SWAP70: variants seen among roughly 807,000 people sequenced by gnomAD.
SWAP70 encodes switching B cell complex subunit SWAP70.
A neutral mutation model predicts 80.2 loss-of-function variants in SWAP70; 34 were observed. That is an observed-to-expected ratio of 0.42 (90% confidence interval 0.32 to 0.56). SWAP70 has a LOEUF of 0.56. Among genes scored for constraint, SWAP70 ranks in the 20% least tolerant of loss-of-function variants. SWAP70 has a pLI of 0.09. For synonymous variants in SWAP70, 239 were observed against 238.5 expected, an observed-to-expected ratio of 1.00 and a Z score of -0.02; for missense variants, 578 against 690.7, an observed-to-expected ratio of 0.84 and a Z score of 1.83.
At chr11:9,706,958 GC>G (rs1271560683) in intron 2 of SWAP70, among the ~76,000 whole-genome samples, 1 of 149,466 alleles carries the variant, frequency 6.7e-6, no homozygotes, top group Non-Finnish European at 1.5e-5. Context: ...TTTTTCTTTA[GC>G]AAGATTCTTT....
chr11:9,695,777 A>T (rs1458099010), intron 2 of SWAP70, among the ~76,000 whole-genome samples: 1 of 151,986 alleles, frequency 6.6e-6, no homozygotes, highest in Non-Finnish European at 1.5e-5. Flanking sequence ...AAGAAAAAAA[A>T]ATCTGGTTTC....
Position 9,732,668 on chromosome 11 carries a change from C to T in SWAP70, c.1038C>T (p.Ala346=), listed in dbSNP as rs774421401. ...AGCGACAAATGAAGGAACTCCAGGC[C>T]GCCAACGAAAGCAAGCAGCAGGAGC... ...ELERQMKELQ[A]ANESKQQELE... is the part of the protein sequence containing the mutation. Residue 346 remains alanine (A), a synonymous_variant, in exon 7 of 12, where the codon GCC becomes GCT. Transcript: ENST00000318950. 62 of 1,563,464 alleles carry T rather than the reference C, an allele frequency of 4.0e-5. No homozygotes were observed. The Admixed American group carries it at 5.7e-4, about 14-fold the overall frequency.
intron 1 of SWAP70, among the ~76,000 whole-genome samples, chr11:9,666,958 C>T (rs567348420): frequency 7.9e-5 from 12 of 152,126 alleles, no homozygotes; most frequent in African/African-American, 1.4e-4. Flanking sequence ...CTCCTGACCT[C>T]GTGATCTGCC....
intron 10 of SWAP70, among the ~76,000 whole-genome samples, chr11:9,748,556 A>T (rs1436966122): frequency 6.6e-6 from 1 of 152,232 alleles, no homozygotes; most frequent in African/African-American, 2.4e-5. Context: ...GCCCACAGGG[A>T]GGTGCTACAG....
chr11:9,672,594 A>C (rs1850433628), intron 1 of SWAP70, among the ~76,000 whole-genome samples: 1 of 132,792 alleles, frequency 7.5e-6, no homozygotes, highest in Non-Finnish European at 1.5e-5. Context: ...GGCTGGTCTC[A>C]AACTCCTGGG....
chr11:9,677,298 T>G (rs1185154364), intron 1 of SWAP70, among the ~76,000 whole-genome samples: 1 of 152,160 alleles, frequency 6.6e-6, no homozygotes, highest in African/African-American at 2.4e-5. Context: ...TGAAAGATGC[T>G]AAATCTCCAG....
chr11:9,682,370 A>G (rs1044188969), intron 1 of SWAP70, among the ~76,000 whole-genome samples: 5 of 152,244 alleles, frequency 3.3e-5, no homozygotes, highest in Admixed American at 1.3e-4. Flanking sequence ...TGGTGATACC[A>G]AAGTCAGAAT....
At chr11:9,674,985 T>A (rs947247422) in intron 1 of SWAP70, among the ~76,000 whole-genome samples, 19 of 138,294 alleles carry the variant, frequency 1.4e-4, no homozygotes, top group African/African-American at 4.3e-4. Context: ...AAAAAAAAAA[T>A]TTTAAATTTA....
intron 1 of SWAP70, among the ~76,000 whole-genome samples, chr11:9,676,368 G>A (rs1214107693): frequency 6.6e-6 from 1 of 152,020 alleles, no homozygotes; most frequent in Non-Finnish European, 1.5e-5. Context: ...TTTGGTTTTG[G>A]TGCTCTTCTT....
In SWAP70 at chr11:9,732,578, C is replaced by G. The variant is rs760081714; in HGVS notation, c.948C>G (p.His316Gln). Residue 316 changes from histidine (H) to glutamine (Q), a missense_variant, in exon 7 of 12, where the codon CAC becomes CAG. By Grantham distance (24) the His-to-Gln change is conservative. Coordinates refer to ENST00000318950, the MANE Select transcript of SWAP70 (RefSeq NM_015055.4). ...TGAAGCTGGGCAGCCCTCCACCACA[C>G]AAAGAAGCCCGCCAGCGTCGGAAAG... ...HLLKLGSPPP[H>Q]KEARQRRKEL... 1 of 1,604,760 alleles carries G rather than the reference C, an allele frequency of 6.2e-7. No individual in the cohort carries two copies. The highest frequency in any genetic ancestry group is 2.2e-5 in the East Asian group (1 of 44,518).
chr11:9,742,995 C>T (rs1851462086), intron 9 of SWAP70, among the ~76,000 whole-genome samples: 1 of 150,090 alleles, frequency 6.7e-6, no homozygotes, highest in Admixed American at 6.6e-5. Flanking sequence ...GTGTGCTACA[C>T]CCATTAACTC....
At chr11:9,668,096 C>T (rs1467144095) in intron 1 of SWAP70, among the ~76,000 whole-genome samples, 1 of 152,184 alleles carries the variant, frequency 6.6e-6, no homozygotes, top group Non-Finnish European at 1.5e-5. Flanking sequence ...ACCATGTTGG[C>T]TGGGCTCATC....
chr11:9,724,954 C>G, intron 4 of SWAP70, 69 bp downstream of exon 4: 1 of 1,134,784 alleles, frequency 8.8e-7, no homozygotes, highest in Non-Finnish European at 1.3e-6. Flanking sequence ...ATATTTTTGT[C>G]ACAAAGATGA....
At chr11:9,695,593 G>C (rs1850746130) in intron 2 of SWAP70, among the ~76,000 whole-genome samples, 1 of 149,372 alleles carries the variant, frequency 6.7e-6, no homozygotes, top group Admixed American at 6.7e-5. Flanking sequence ...ACACAGAGGG[G>C]GGAACAACAG....
chr11:9,684,492 G>T (rs1850606884), intron 1 of SWAP70, among the ~76,000 whole-genome samples: 2 of 152,150 alleles, frequency 1.3e-5, no homozygotes, highest in African/African-American at 4.8e-5. Flanking sequence ...GGAGCTCAGA[G>T]CCCCCTCTTC....
chr11:9,695,442 A>G (rs1850743804), intron 2 of SWAP70, among the ~76,000 whole-genome samples: 2 of 152,142 alleles, frequency 1.3e-5, no homozygotes, highest in Non-Finnish European at 2.9e-5. Flanking sequence ...ATGCTGCCCT[A>G]AAAAAGAGTG....
chr11:9,669,430 A>G (rs1047456404), intron 1 of SWAP70, among the ~76,000 whole-genome samples: 3 of 152,292 alleles, frequency 2.0e-5, no homozygotes, highest in Admixed American at 6.5e-5. Context: ...GGGTTTCACC[A>G]TGTTGGCCAG....
chr11:9,713,763 G>C, intron 3 of SWAP70, 124 bp downstream of exon 3: 1 of 1,141,390 alleles, frequency 8.8e-7, no homozygotes, highest in South Asian at 1.6e-5. Flanking sequence ...TTTTGGATCA[G>C]AGGCAAAGCA....
chr11:9,694,246 A>G lies in SWAP70; in HGVS notation c.200A>G (p.Gln67Arg). 1 of 1,613,132 alleles carries G rather than the reference A, an allele frequency of 6.2e-7. No individual in the cohort carries two copies. Among genetic ancestry groups the G allele is most frequent in the Non-Finnish European group, 8.5e-7 (1 of 1,179,564 alleles). Residue 67 changes from glutamine (Q) to arginine (R), a missense_variant, in exon 2 of 12, where the codon CAG becomes CGG. By Grantham distance (43) the Gln-to-Arg change is conservative. Coordinates refer to ENST00000318950, the MANE Select transcript of SWAP70 (RefSeq NM_015055.4). ...RDDDEGPVSNQGYMPYLNRFI... is the reference protein window; with the variant it reads ...RDDDEGPVSNRGYMPYLNRFI... ...GATGATGAGGGTCCAGTGTCCAACC[A>G]GGGCTACATGCCTTATTTAAACAGG...
Sources: allele counts gnomAD v4.1 joint callset (sites outside exome capture counted in the v4.1 genomes callset), GRCh38; gene constraint gnomAD v4.1.1; transcripts MANE v1.5; gene names NCBI Gene and HGNC (gene_info 2026-07-23, HGNC 2026-07-21).